Variants in L2HGDH observed in about 807,000 individuals in gnomAD.
L2HGDH encodes L-2-hydroxyglutarate dehydrogenase, mitochondrial.
In L2HGDH, 34 loss-of-function variants were observed where a neutral mutation model predicts 51.5. That is an observed-to-expected ratio of 0.66 (90% confidence interval 0.50 to 0.88). L2HGDH has a LOEUF of 0.88. Ranked by LOEUF, L2HGDH falls within the 40% of genes least tolerant of loss-of-function variation. L2HGDH has a pLI of 0.00. For synonymous variants in L2HGDH, 198 were observed against 197.9 expected, an observed-to-expected ratio of 1.00 and a Z score of -0.01; for missense variants, 558 against 571.9, an observed-to-expected ratio of 0.98 and a Z score of 0.25.
intron 4 of L2HGDH, among the ~76,000 whole-genome samples, chr14:50,290,215 C>T (rs1890797451): frequency 6.6e-6 from 1 of 151,726 alleles, no homozygotes; most frequent in South Asian, 2.1e-4. Context: ...TGCAGTGAGT[C>T]GAGATCACGC....
intron 6 of L2HGDH, among the ~76,000 whole-genome samples, chr14:50,270,907 T>C (rs1000589379): frequency 2.6e-5 from 4 of 152,238 alleles, no homozygotes; most frequent in Non-Finnish European, 5.9e-5. Context: ...TCAGGAGTTA[T>C]ACATGTCATA....
At chr14:50,296,270 G>A (rs1461892843) in intron 3 of L2HGDH, among the ~76,000 whole-genome samples, 1 of 150,690 alleles carries the variant, frequency 6.6e-6, no homozygotes, top group African/African-American at 2.5e-5. Context: ...GCTACTAGTG[G>A]GCTGAGGTGG....
Position 50,244,473 on chromosome 14 carries a change from A to C in L2HGDH, c.*2585T>G, listed in dbSNP as rs1428801071. 1 of 985,226 alleles carries C rather than the reference A, an allele frequency of 1.0e-6. No individual in the cohort carries two copies. Among genetic ancestry groups the C allele is most frequent in the Non-Finnish European group, 1.2e-6 (1 of 829,842 alleles). The allele number at this position is 985,226 out of a possible 1,614,324, so 61.0% of individuals were successfully genotyped here. A position where few individuals can be genotyped will look rare whatever the true frequency, so the allele number is the denominator to read the frequency against. Reference sequence around the variant, plus strand: ...CAATCGTACTACTGACAAAATACAGAATGATAATATTTTCCATCTCTTAGT... The same window carrying C: ...CAATCGTACTACTGACAAAATACAGCATGATAATATTTTCCATCTCTTAGT... On this transcript the variant is annotated 3_prime_UTR_variant, in exon 10 of 10. Coordinates refer to ENST00000267436, the MANE Select transcript of L2HGDH (RefSeq NM_024884.3).
At chr14:50,298,328 T>A (rs1375108285) in intron 3 of L2HGDH, among the ~76,000 whole-genome samples, 1 of 151,938 alleles carries the variant, frequency 6.6e-6, no homozygotes, top group Non-Finnish European at 1.5e-5. Flanking sequence ...GGACTTTTTT[T>A]TTTTGAGACA....
At chr14:50,307,735 T>C (rs532022698) in intron 1 of L2HGDH, among the ~76,000 whole-genome samples, 2 of 152,352 alleles carry the variant, frequency 1.3e-5, no homozygotes, top group East Asian at 3.9e-4. Context: ...GATGCAAATC[T>C]TAAACACCAC....
In L2HGDH at chr14:50,246,722, T is replaced by C. The variant is rs1200820612; in HGVS notation, c.*336A>G. 4 of 189,834 alleles carry C rather than the reference T, an allele frequency of 2.1e-5. No homozygotes were observed. Among genetic ancestry groups the C allele is most frequent in the African/African-American group, 7.2e-5 (3 of 41,896 alleles). 11.8% of individuals were successfully genotyped at this position (189,834 alleles called of 1,614,324 possible). A position where few individuals can be genotyped will look rare whatever the true frequency, so the allele number is the denominator to read the frequency against. ...GCTGGCCACGGCCCCCAGCCTAACATTTTGAAAATTATTATTATTATTATT... is the reference window on the plus strand; with the variant it reads ...GCTGGCCACGGCCCCCAGCCTAACACTTTGAAAATTATTATTATTATTATT... On this transcript the variant is annotated 3_prime_UTR_variant, in exon 10 of 10. Coordinates refer to ENST00000267436, the MANE Select transcript of L2HGDH (RefSeq NM_024884.3).
chr14:50,260,511 G>C (rs760799968), intron 9 of L2HGDH, among the ~76,000 whole-genome samples: 1 of 152,114 alleles, frequency 6.6e-6, no homozygotes, highest in South Asian at 2.1e-4. Flanking sequence ...ATTAAAATTA[G>C]CAAACCATCC....
intron 8 of L2HGDH, among the ~76,000 whole-genome samples, chr14:50,267,384 G>A (rs930710931): frequency 2.0e-5 from 3 of 151,916 alleles, no homozygotes; most frequent in Admixed American, 1.3e-4. Flanking sequence ...GGGCTTCATC[G>A]TGTTAGCCAG....
At chr14:50,252,364 A>T (rs1309799878) in intron 9 of L2HGDH, among the ~76,000 whole-genome samples, 2 of 152,088 alleles carry the variant, frequency 1.3e-5, no homozygotes, top group Non-Finnish European at 2.9e-5. Flanking sequence ...CAAAGAAGGA[A>T]TTGAAGACTG....
intron 5 of L2HGDH, among the ~76,000 whole-genome samples, chr14:50,283,260 A>G (rs1890377105): frequency 6.6e-6 from 1 of 152,132 alleles, no homozygotes; most frequent in Non-Finnish European, 1.5e-5. Flanking sequence ...ACTGTAATCT[A>G]CAGGGTAGGG....
intron 9 of L2HGDH, among the ~76,000 whole-genome samples, chr14:50,250,662 T>C (rs1888293352): frequency 6.6e-6 from 1 of 152,102 alleles, no homozygotes; most frequent in Non-Finnish European, 1.5e-5. Context: ...ACAGGAGTGC[T>C]TGCATCACCA....
intron 1 of L2HGDH, among the ~76,000 whole-genome samples, chr14:50,306,948 T>C (rs1440712986): frequency 6.6e-6 from 1 of 152,120 alleles, no homozygotes; most frequent in Non-Finnish European, 1.5e-5. Context: ...CCCTAGTAGC[T>C]GATATTATAG....
At chr14:50,287,260 GT>G (rs1281197828) in intron 4 of L2HGDH, 22 of 983,870 alleles carry the variant, frequency 2.2e-5, no homozygotes, top group Middle Eastern at 5.2e-4. Flanking sequence ...GAAAAGTTTT[GT>G]TTTTTTCAGT....
chr14:50,266,542 T>C (rs1162752241), intron 8 of L2HGDH, among the ~76,000 whole-genome samples: 1 of 152,166 alleles, frequency 6.6e-6, no homozygotes, highest in Non-Finnish European at 1.5e-5. Context: ...ACTTGGAGGC[T>C]GAAGTGGGAG....
chr14:50,291,822 G>T (rs1028770544), intron 4 of L2HGDH, among the ~76,000 whole-genome samples: 1 of 152,004 alleles, frequency 6.6e-6, no homozygotes, highest in Admixed American at 6.6e-5. Context: ...TACAAACTAG[G>T]ATTAAACATT....
At chr14:50,309,470 G>A (rs1272408340) in intron 1 of L2HGDH, among the ~76,000 whole-genome samples, 1 of 151,904 alleles carries the variant, frequency 6.6e-6, no homozygotes, top group East Asian at 1.9e-4. Flanking sequence ...GCTGAGGCAG[G>A]AGAATCCCTT....
At chr14:50,272,412 G>A (rs961378662) in intron 6 of L2HGDH, among the ~76,000 whole-genome samples, 8 of 152,148 alleles carry the variant, frequency 5.3e-5, no homozygotes, top group African/African-American at 1.7e-4. Flanking sequence ...CTGCCACCTG[G>A]GTCACATGAC....
At chr14:50,285,827 C>T (rs1374327446) in intron 4 of L2HGDH, among the ~76,000 whole-genome samples, 1 of 152,202 alleles carries the variant, frequency 6.6e-6, no homozygotes, top group East Asian at 1.9e-4. Flanking sequence ...TTACTCCATT[C>T]CAGACCTTCC....
intron 9 of L2HGDH, among the ~76,000 whole-genome samples, chr14:50,252,250 T>C (rs546783256): frequency 1.4e-4 from 22 of 151,838 alleles, no homozygotes; most frequent in Admixed American, 1.4e-3. Flanking sequence ...CATGGTAAAA[T>C]AGAAAAACAT....
Sources: allele counts gnomAD v4.1 joint callset (sites outside exome capture counted in the v4.1 genomes callset), GRCh38; gene constraint gnomAD v4.1.1; transcripts MANE v1.5; gene names NCBI Gene and HGNC (gene_info 2026-07-23, HGNC 2026-07-21).